Variants in MYO1B observed in about 807,000 individuals in gnomAD.
The protein encoded by MYO1B is unconventional myosin-Ib.
MYO1B carries 72 observed loss-of-function variants against 159.7 expected under a neutral mutation model. That is an observed-to-expected ratio of 0.45 (90% CI 0.37 to 0.55). The LOEUF is 0.55. Among genes scored for constraint, MYO1B ranks in the 20% least tolerant of loss-of-function variants. The pLI, the probability that MYO1B is intolerant of heterozygous loss-of-function variation, is 0.00. For missense variants in MYO1B, 1,062 were observed against 1,364.8 expected, an observed-to-expected ratio of 0.78 and a Z score of 3.50; for synonymous variants, 468 against 473.8, an observed-to-expected ratio of 0.99 and a Z score of 0.16.
chr2:191,296,775 T>C (rs929970257), intron 3 of MYO1B, among the ~76,000 whole-genome samples: 1 of 152,258 alleles, frequency 6.6e-6, no homozygotes, highest in South Asian at 2.1e-4. Context: ...TCCTTCACAG[T>C]ACCTGTAGAT....
At chr2:191,336,310 T>A (rs1196957101) in intron 4 of MYO1B, among the ~76,000 whole-genome samples, 2 of 152,212 alleles carry the variant, frequency 1.3e-5, no homozygotes, top group Non-Finnish European at 2.9e-5. Context: ...GTTCTCCAAC[T>A]GGACAGTGAC....
intron 13 of MYO1B, among the ~76,000 whole-genome samples, chr2:191,372,879 C>CTTTTTTT (rs34444520): frequency 7.1e-5 from 5 of 70,146 alleles, no homozygotes; most frequent in African/African-American, 2.4e-4. Flanking sequence ...GTTATATTTC[C>CTTTTTTT]TTTTTTTTTT....
At chr2:191,320,594 G>A (rs1574420555) in intron 3 of MYO1B, among the ~76,000 whole-genome samples, 2 of 152,032 alleles carry the variant, frequency 1.3e-5, no homozygotes, top group Admixed American at 6.6e-5. Context: ...GAATTTTGCA[G>A]CCACTCCATG....
chr2:191,367,650 G>A (rs1694091516), intron 11 of MYO1B, among the ~76,000 whole-genome samples: 1 of 152,188 alleles, frequency 6.6e-6, no homozygotes, highest in Non-Finnish European at 1.5e-5. Flanking sequence ...AAAGTAGATA[G>A]CATGTAACTA....
At chr2:191,278,058 G>A (rs1326153155) in intron 2 of MYO1B, among the ~76,000 whole-genome samples, 1 of 152,114 alleles carries the variant, frequency 6.6e-6, no homozygotes, top group East Asian at 1.9e-4. Flanking sequence ...TTATATCATA[G>A]ATAGCTCTCT....
Position 191,394,940 on chromosome 2 carries a change from A to G in MYO1B, c.2227-1489A>G, listed in dbSNP as rs535960886. Among the ~76,000 whole-genome samples, 10 of 152,336 alleles carry G rather than the reference A, an allele frequency of 6.6e-5. No homozygotes were observed. In the South Asian group the frequency reaches 2.1e-3, roughly 32 times the overall value. On this transcript the variant is annotated intron_variant, in intron 20 of 30. Transcript: ENST00000392318. ...ATGTTACATCTCTTTCAAAATTTGA[A>G]CTACATACCTCAACCAGTTCACTAC...
chr2:191,299,515 C>T (rs932045776), intron 3 of MYO1B, among the ~76,000 whole-genome samples: 13 of 152,190 alleles, frequency 8.5e-5, no homozygotes, highest in African/African-American at 2.9e-4. Context: ...CAAAGCAACT[C>T]GTGTTCTTCC....
At chr2:191,267,442 A>T (rs1687209515) in intron 1 of MYO1B, among the ~76,000 whole-genome samples, 1 of 152,094 alleles carries the variant, frequency 6.6e-6, no homozygotes, top group Non-Finnish European at 1.5e-5. Flanking sequence ...AGCTTTAGAG[A>T]AAATGAGGTG....
chr2:191,289,541 A>G (rs1403421409), intron 2 of MYO1B, among the ~76,000 whole-genome samples: 2 of 152,236 alleles, frequency 1.3e-5, no homozygotes, highest in African/African-American at 2.4e-5. Flanking sequence ...GGAACTCCAG[A>G]GACATGTAAA....
At chr2:191,274,297 T>C (rs73058650) in intron 1 of MYO1B, among the ~76,000 whole-genome samples, 2,195 of 152,324 alleles carry the variant, frequency 0.014, 53 homozygotes, top group African/African-American at 0.05. Context: ...TCTATTCCTC[T>C]TTGGATTAGA....
At chr2:191,334,185 C>T (rs374066186) in intron 4 of MYO1B, among the ~76,000 whole-genome samples, 40 of 151,134 alleles carry the variant, frequency 2.6e-4, no homozygotes, top group African/African-American at 7.5e-4. Flanking sequence ...AAGTGGGTTG[C>T]GGTCATTGTT....
At chr2:191,293,708 T>C (rs1559145734) in intron 2 of MYO1B, among the ~76,000 whole-genome samples, 1 of 152,318 alleles carries the variant, frequency 6.6e-6, no homozygotes, top group East Asian at 1.9e-4. Context: ...TTGGTTTCTT[T>C]ACTGCAACCT....
chr2:191,331,859 C>T (rs1691501996), intron 4 of MYO1B, among the ~76,000 whole-genome samples: 1 of 152,192 alleles, frequency 6.6e-6, no homozygotes, highest in African/African-American at 2.4e-5. Context: ...TTATCTTGGT[C>T]CTGTTGTTCT....
intron 27 of MYO1B, among the ~76,000 whole-genome samples, chr2:191,413,791 T>G (rs1185912375): frequency 6.6e-6 from 1 of 152,212 alleles, no homozygotes; most frequent in East Asian, 1.9e-4. Flanking sequence ...CTGTCTTGAT[T>G]GTTCCGTGTG....
At chr2:191,279,601 T>C (rs1224262809) in intron 2 of MYO1B, among the ~76,000 whole-genome samples, 1 of 152,190 alleles carries the variant, frequency 6.6e-6, no homozygotes, top group Non-Finnish European at 1.5e-5. Context: ...GTGAAATCTA[T>C]TTCTGGCTCT....
intron 7 of MYO1B, among the ~76,000 whole-genome samples, chr2:191,351,217 A>G (rs1243175146): frequency 4.0e-5 from 6 of 151,834 alleles, no homozygotes; most frequent in Non-Finnish European, 4.4e-5. Flanking sequence ...AGTTGACTGA[A>G]GTATCCAAAG....
intron 3 of MYO1B, 99 bp from the exon 4 acceptor site, chr2:191,329,836 G>A (rs1452165061): frequency 2.3e-6 from 2 of 879,946 alleles, no homozygotes; most frequent in African/African-American, 1.7e-5. Context: ...CTTTCCAAAA[G>A]CATATCACAG....
intron 1 of MYO1B, among the ~76,000 whole-genome samples, chr2:191,273,895 G>T (rs773932044): frequency 2.0e-5 from 3 of 152,176 alleles, no homozygotes; most frequent in Non-Finnish European, 4.4e-5. Flanking sequence ...TAAGCACATA[G>T]CTCCTTCAGA....
At chr2:191,389,578 A>G (rs1695617290) in intron 17 of MYO1B, among the ~76,000 whole-genome samples, 1 of 152,196 alleles carries the variant, frequency 6.6e-6, no homozygotes, top group African/African-American at 2.4e-5. Context: ...AACACTGACT[A>G]GAGGCTGCAG....
Sources: gnomAD v4.1 joint callset for allele counts (sites outside exome capture counted in the v4.1 genomes callset) on GRCh38, gnomAD v4.1.1 for gene constraint, MANE v1.5 for transcripts, NCBI Gene and HGNC (gene_info 2026-07-23, HGNC 2026-07-21) for gene names.